GREM2: variants seen among roughly 807,000 people sequenced by gnomAD.
The protein encoded by GREM2 is gremlin 2, DAN family BMP antagonist.
In GREM2, 11 loss-of-function variants were observed where a neutral mutation model predicts 14.2. The observed-to-expected ratio is 0.78, with a 90% CI of 0.49 to 1.28. GREM2 has a LOEUF of 1.28. Ranked by LOEUF, GREM2 falls within the 50% of genes most tolerant of loss-of-function variation. GREM2 has a pLI of 0.00. For synonymous variants in GREM2, 98 were observed against 97.6 expected, an observed-to-expected ratio of 1.00 and a Z score of -0.02; for missense variants, 210 against 218.5, an observed-to-expected ratio of 0.96 and a Z score of 0.24.
intron 1 of GREM2, among the ~76,000 whole-genome samples, chr1:240,552,360 C>T (rs770338127): frequency 4.6e-5 from 7 of 151,952 alleles, no homozygotes; most frequent in Admixed American, 1.3e-4. Context: ...GTGGGGGGGT[C>T]GCTTAAGGCC....
At chr1:240,590,824 T>C (rs1233179353) in intron 1 of GREM2, 3 of 150,656 alleles carry the variant, frequency 2.0e-5, no homozygotes, top group Admixed American at 6.6e-5. Context: ...CTCCCTCTGT[T>C]GCCCAGGCTG....
At chr1:240,572,824 T>G (rs1362330214) in intron 1 of GREM2, among the ~76,000 whole-genome samples, 1 of 152,108 alleles carries the variant, frequency 6.6e-6, no homozygotes, top group East Asian at 1.9e-4. Context: ...TACTTGTCAG[T>G]AAGGAATATG....
chr1:240,563,695 A>AT (rs1200329081), intron 1 of GREM2, among the ~76,000 whole-genome samples: 1 of 152,194 alleles, frequency 6.6e-6, no homozygotes, highest in African/African-American at 2.4e-5. Flanking sequence ...GATCCTGGGC[A>AT]TTTTGTAAAT....
rs562817665 is a variant in GREM2, at chr1:240,540,782, T to G, written c.-1-47306A>C. Among the ~76,000 whole-genome samples the G allele has an allele frequency of 6.6e-6, 1 of 152,112 alleles. No individual in the cohort carries two copies. Among genetic ancestry groups the G allele is most frequent in the Non-Finnish European group, 1.5e-5 (1 of 68,014 alleles). On this transcript the variant is annotated intron_variant, in intron 1 of 1. Coordinates refer to ENST00000318160, the MANE Select transcript of GREM2 (RefSeq NM_022469.4). The surrounding 1 kb of genome is among the most constrained non-coding windows in gnomAD (Gnocchi z 4.2). ...TTCACCATGTTGACCAGGGTGGTCT[T>G]GATCTACTGACCTCGTGATCTGCCT...
intron 1 of GREM2, among the ~76,000 whole-genome samples, chr1:240,555,106 T>C (rs936587208): frequency 6.6e-6 from 1 of 151,696 alleles, no homozygotes; most frequent in Non-Finnish European, 1.5e-5. Context: ...GATCGTACCA[T>C]TGGACTCCAG....
chr1:240,534,692 CAA>C (rs5782153), intron 1 of GREM2, among the ~76,000 whole-genome samples: 80 of 115,434 alleles, frequency 6.9e-4, no homozygotes, highest in African/African-American at 9.9e-4. Context: ...GACTCCATCT[CAA>C]AAAAAAAAAA....
At chr1:240,587,654 T>C (rs1679624182) in intron 1 of GREM2, among the ~76,000 whole-genome samples, 1 of 152,188 alleles carries the variant, frequency 6.6e-6, no homozygotes, top group Non-Finnish European at 1.5e-5. Context: ...TTCATGTAAA[T>C]AGCTTTAATA....
At chr1:240,507,418 C>T (rs949431410) in intron 1 of GREM2, among the ~76,000 whole-genome samples, 2 of 152,050 alleles carry the variant, frequency 1.3e-5, no homozygotes, top group Non-Finnish European at 2.9e-5. Context: ...GCAACCTCCG[C>T]CTCCTGGGTT....
intron 1 of GREM2, among the ~76,000 whole-genome samples, chr1:240,565,014 T>C (rs1679150049): frequency 6.6e-6 from 1 of 152,252 alleles, no homozygotes; most frequent in Non-Finnish European, 1.5e-5. Flanking sequence ...TGAAATTTGG[T>C]ATTGTGTTCC....
intron 1 of GREM2, among the ~76,000 whole-genome samples, chr1:240,583,555 G>A (rs904346958): frequency 2.3e-4 from 35 of 151,152 alleles, no homozygotes; most frequent in African/African-American, 6.6e-4. Context: ...TCTAAATCAC[G>A]TTCTTCTCTT....
At chr1:240,577,646 A>G (rs4453026) in intron 1 of GREM2, among the ~76,000 whole-genome samples, 41,506 of 152,106 alleles carry the variant, frequency 0.27, 6,388 homozygotes, top group African/African-American at 0.41. Context: ...TTGGGAAATT[A>G]TTACAGTTTG....
intron 1 of GREM2, chr1:240,531,656 C>T (rs1207968582): frequency 2.0e-6 from 2 of 985,202 alleles, no homozygotes; most frequent in Non-Finnish European, 2.4e-6. Flanking sequence ...CTGCCTGCTC[C>T]CTGACGTGGA....
intron 1 of GREM2, among the ~76,000 whole-genome samples, chr1:240,525,767 C>T (rs1678207932): frequency 6.6e-6 from 1 of 152,192 alleles, no homozygotes; most frequent in East Asian, 1.9e-4. Context: ...GCGTGAGCCA[C>T]CGCGCCCAGT....
At chr1:240,496,758 C>G (rs1367281586) in intron 1 of GREM2, among the ~76,000 whole-genome samples, 1 of 152,100 alleles carries the variant, frequency 6.6e-6, no homozygotes, top group Non-Finnish European at 1.5e-5. Context: ...GCCTGTAATC[C>G]CAGCACTTTG....
chr1:240,519,905 A>C (rs2103301224), intron 1 of GREM2, among the ~76,000 whole-genome samples: 1 of 152,194 alleles, frequency 6.6e-6, no homozygotes, highest in African/African-American at 2.4e-5. Flanking sequence ...ACATGGAGAA[A>C]TCCCGTCTCT....
At chr1:240,598,267 G>C (rs1185385393) in intron 1 of GREM2, among the ~76,000 whole-genome samples, 6 of 152,150 alleles carry the variant, frequency 3.9e-5, no homozygotes. Flanking sequence ...TATTGTTCTG[G>C]TGTGTGGTGA....
chr1:240,533,271 G>GT lies in GREM2; in HGVS notation c.-1-39796dup, dbSNP rs889329203. Among the ~76,000 whole-genome samples, 117 of 152,294 alleles carry GT rather than the reference G, an allele frequency of 7.7e-4. 1 individual carries two copies. The highest frequency in any genetic ancestry group is 2.6e-3 in the African/African-American group (110 of 41,566). On this transcript the variant is annotated intron_variant, in intron 1 of 1. Transcript: ENST00000318160. ...AAGAACTAATAGAAATGAGCTAGCT[G>GT]TGAAAAGGTTGGGAAAAGGAAAGGC...
chr1:240,498,282 G>C (rs1236239065), intron 1 of GREM2, among the ~76,000 whole-genome samples: 2 of 152,312 alleles, frequency 1.3e-5, no homozygotes, highest in Admixed American at 1.3e-4. Flanking sequence ...TTTCAGGAAG[G>C]GGGAAAAGTG....
chr1:240,498,996 C>T (rs1377203812), intron 1 of GREM2, among the ~76,000 whole-genome samples: 5 of 152,150 alleles, frequency 3.3e-5, no homozygotes, highest in Non-Finnish European at 4.4e-5. Flanking sequence ...AAGTGAACGC[C>T]CTCAGGCCTG....
Sources: allele counts gnomAD v4.1 joint callset (sites outside exome capture counted in the v4.1 genomes callset), GRCh38; gene constraint gnomAD v4.1.1; non-coding constraint Gnocchi (gnomAD v3.1); transcripts MANE v1.5; gene names NCBI Gene and HGNC (gene_info 2026-07-23, HGNC 2026-07-21).